PTTG1IP: variants seen among roughly 807,000 people sequenced by gnomAD.
PTTG1IP encodes PTTG1 interacting protein.
Under a neutral mutation model 24.4 loss-of-function variants are expected in PTTG1IP, and 16 were observed. That is an observed-to-expected ratio of 0.66 (90% CI 0.44 to 1.00). The LOEUF is 1.00. Among genes scored for constraint, PTTG1IP ranks in the 50% least tolerant of loss-of-function variants. The pLI is 0.00. For synonymous variants in PTTG1IP, 89 were observed against 96.8 expected (o/e 0.92, Z 0.47); for missense variants, 241 against 245.8 (o/e 0.98, Z 0.13).
At chr21:44,855,324 C>T in intron 4 of PTTG1IP, 68 bp from the exon 5 acceptor site, 1 of 1,492,278 alleles carries the variant, frequency 6.7e-7, no homozygotes, top group Non-Finnish European at 9.3e-7. Flanking sequence ...TAGACACGCC[C>T]TTCCGTGTCC....
chr21:44,855,712 C>G (rs2083444353), intron 4 of PTTG1IP, among the ~76,000 whole-genome samples: 1 of 152,164 alleles, frequency 6.6e-6, no homozygotes, highest in South Asian at 2.1e-4. Context: ...GTTGGCCCCT[C>G]AGGTCCTCTC....
At position 44,862,307 on chromosome 21, in the gene PTTG1IP, G is replaced by A. The variant is rs235277; in HGVS notation, c.169-1036C>T. Reference sequence around the variant, plus strand: ...AGGCCAGGAGGGCGGATCACCTGAGGTCAGAAGTTCGGGATCAGCCTGACC... The same window carrying A: ...AGGCCAGGAGGGCGGATCACCTGAGATCAGAAGTTCGGGATCAGCCTGACC... On this transcript the variant is annotated intron_variant, in intron 2 of 5. Transcript: ENST00000330938. 6.4e-3 allele frequency among the ~76,000 whole-genome samples: 973 copies of A among 152,354 alleles called. 10 individuals are homozygous for A. Among genetic ancestry groups the A allele is most frequent in the Admixed American group, 0.015 (226 of 15,306 alleles).
intron 1 of PTTG1IP, among the ~76,000 whole-genome samples, chr21:44,870,059 C>G (rs1439490334): frequency 6.6e-6 from 1 of 152,106 alleles, no homozygotes; most frequent in Admixed American, 6.5e-5. Context: ...TCTGAGTCAG[C>G]GGAGAGGCAT....
At chr21:44,868,030 C>T (rs780907400) in intron 1 of PTTG1IP, among the ~76,000 whole-genome samples, 77 of 152,192 alleles carry the variant, frequency 5.1e-4, no homozygotes, top group Non-Finnish European at 7.8e-4. Flanking sequence ...GAGTCTCTAG[C>T]GATGTGCTAT....
At chr21:44,871,246 GAC>G (rs1031821047) in intron 1 of PTTG1IP, among the ~76,000 whole-genome samples, 3 of 143,686 alleles carry the variant, frequency 2.1e-5, no homozygotes, top group African/African-American at 5.4e-5. Context: ...TTCTCAGGGT[GAC>G]AGGGGCAGAA....
At chr21:44,873,155 T>C (rs62221472) in intron 1 of PTTG1IP, 30,493 of 158,426 alleles carry the variant, frequency 0.19, 3,630 homozygotes, top group South Asian at 0.3. Context: ...GGAGTGCTGT[T>C]TGGGGTCGCA....
intron 3 of PTTG1IP, among the ~76,000 whole-genome samples, 198 bp from the exon 4 acceptor site, chr21:44,856,562 A>G (rs548450658): frequency 9.8e-5 from 15 of 152,350 alleles, no homozygotes; most frequent in African/African-American, 3.6e-4. Context: ...GCCCTCTCCA[A>G]GTCTCCTTTC....
chr21:44,870,485 C>T (rs926655115), intron 1 of PTTG1IP, among the ~76,000 whole-genome samples: 2 of 130,908 alleles, frequency 1.5e-5, no homozygotes, highest in African/African-American at 2.8e-5. Flanking sequence ...GACATCACGC[C>T]ACTGCACTCC....
chr21:44,861,383 AG>A, intron 2 of PTTG1IP, 112 bp from the exon 3 acceptor site: 1 of 862,984 alleles, frequency 1.2e-6, no homozygotes, highest in Non-Finnish European at 1.8e-6. Flanking sequence ...ATGGCTGTAA[AG>A]GCTCAACCTC....
At chr21:44,856,782 GCTTT>G (rs2083452887) in intron 3 of PTTG1IP, among the ~76,000 whole-genome samples, 1 of 152,146 alleles carries the variant, frequency 6.6e-6, no homozygotes, top group Admixed American at 6.5e-5. Context: ...GCCTGATGCA[GCTTT>G]CTTTTTTTTT....
At chr21:44,861,354 T>A (rs1601250520) in intron 2 of PTTG1IP, 83 bp from the exon 3 acceptor site, 2 of 1,164,748 alleles carry the variant, frequency 1.7e-6, no homozygotes, top group Admixed American at 4.3e-5. Context: ...AGCCCGCCAG[T>A]GCTGCCATCG....
intron 1 of PTTG1IP, 63 bp from the exon 2 acceptor site, chr21:44,865,510 A>C: frequency 6.4e-7 from 1 of 1,564,228 alleles, no homozygotes; most frequent in Non-Finnish European, 8.8e-7. Context: ...ATATTAGTCC[A>C]GCAGGGCAGG....
intron 3 of PTTG1IP, among the ~76,000 whole-genome samples, chr21:44,856,946 T>G (rs1395668775): frequency 6.6e-6 from 1 of 152,154 alleles, no homozygotes; most frequent in East Asian, 1.9e-4. Flanking sequence ...CTGAGTGTTT[T>G]GAGGACCTTG....
intron 1 of PTTG1IP, chr21:44,872,771 C>T (rs34940823): frequency 0.065 from 9,836 of 152,426 alleles, 293 homozygotes; most frequent in East Asian, 0.084. Flanking sequence ...GACTCAGCTC[C>T]TCTTGGATAG....
intron 5 of PTTG1IP, among the ~76,000 whole-genome samples, chr21:44,854,836 C>T (rs973939514): frequency 6.6e-6 from 1 of 152,124 alleles, no homozygotes; most frequent in Non-Finnish European, 1.5e-5. Flanking sequence ...CAACGAGCAA[C>T]GCTCCCGAGG....
chr21:44,860,116 C>T (rs2083478755), intron 3 of PTTG1IP, among the ~76,000 whole-genome samples: 1 of 152,168 alleles, frequency 6.6e-6, no homozygotes, highest in African/African-American at 2.4e-5. Context: ...CGCCTGTAAT[C>T]CCAGCACTTT....
At chr21:44,871,837 AAAC>A (rs1296061393) in intron 1 of PTTG1IP, among the ~76,000 whole-genome samples, 1 of 152,182 alleles carries the variant, frequency 6.6e-6, no homozygotes, top group African/African-American at 2.4e-5. Context: ...CCAGTGAGAG[AAAC>A]AACAGTCCAC....
In PTTG1IP at chr21:44,851,496, G is replaced by T. The variant is rs754803771; in HGVS notation, c.*85C>A. ...GTTCACTGGCCAAGGTCAGGAGACC[G>T]CAATGGCCACGTGGTCTCCCGGCTG... On this transcript the variant is annotated 3_prime_UTR_variant, in exon 6 of 6. Transcript: ENST00000330938. 6.2e-7 allele frequency: 1 copy of T among 1,613,508 alleles called. No homozygotes were observed. The highest frequency in any genetic ancestry group is 8.5e-7 in the Non-Finnish European group (1 of 1,179,940).
At chr21:44,870,207 C>T (rs1004171865) in intron 1 of PTTG1IP, among the ~76,000 whole-genome samples, 3 of 152,204 alleles carry the variant, frequency 2.0e-5, no homozygotes, top group Non-Finnish European at 4.4e-5. Flanking sequence ...GAAAAAAGGT[C>T]ATTCTATTCT....
Sources: gnomAD v4.1 joint callset for allele counts (sites outside exome capture counted in the v4.1 genomes callset) on GRCh38, gnomAD v4.1.1 for gene constraint, MANE v1.5 for transcripts, NCBI Gene and HGNC (gene_info 2026-07-23, HGNC 2026-07-21) for gene names.